Variants in SIMC1 observed in about 807,000 individuals in gnomAD.
SIMC1 encodes SUMO-interacting motif-containing protein 1.
Under a neutral mutation model 82.3 loss-of-function variants are expected in SIMC1, and 55 were observed. That is an observed-to-expected ratio of 0.67 (90% CI 0.54 to 0.84). The LOEUF is 0.84. Ranked by LOEUF, SIMC1 falls within the 40% of genes least tolerant of loss-of-function variation. The pLI is 0.00. For synonymous variants in SIMC1, 353 were observed against 426.3 expected, an observed-to-expected ratio of 0.83 and a Z score of 2.12; for missense variants, 915 against 1,107.2, an observed-to-expected ratio of 0.83 and a Z score of 2.46.
intron 3 of SIMC1, among the ~76,000 whole-genome samples, chr5:176,295,944 A>T (rs1293586283): frequency 6.6e-6 from 1 of 152,202 alleles, no homozygotes; most frequent in Non-Finnish European, 1.5e-5. Context: ...ACGATTGGCT[A>T]AAAAAGCCAC....
intron 1 of SIMC1, among the ~76,000 whole-genome samples, chr5:176,252,945 C>T (rs919695026): frequency 7.0e-4 from 107 of 152,356 alleles, no homozygotes; most frequent in Non-Finnish European, 1.2e-4. Context: ...GGAGACCAGC[C>T]TGGCCCACGC....
At chr5:176,279,128 T>G (rs1386308066) in intron 1 of SIMC1, among the ~76,000 whole-genome samples, 10 of 152,216 alleles carry the variant, frequency 6.6e-5, no homozygotes, top group Non-Finnish European at 1.3e-4. Flanking sequence ...CAATTTCAGA[T>G]CCTGTTATTG....
At chr5:176,326,549 T>C (rs1005325225) in intron 7 of SIMC1, among the ~76,000 whole-genome samples, 2 of 151,336 alleles carry the variant, frequency 1.3e-5, no homozygotes, top group African/African-American at 4.9e-5. Flanking sequence ...ATTTTTCTTA[T>C]AATGTTATCC....
At chr5:176,285,737 C>T (rs1359279903) in intron 1 of SIMC1, among the ~76,000 whole-genome samples, 2 of 151,986 alleles carry the variant, frequency 1.3e-5, no homozygotes, top group South Asian at 2.1e-4. Flanking sequence ...ATTTAGAAAA[C>T]CCCATCGTCT....
At chr5:176,302,926 C>T (rs1049211521) in intron 4 of SIMC1, among the ~76,000 whole-genome samples, 5 of 152,114 alleles carry the variant, frequency 3.3e-5, no homozygotes, top group Admixed American at 6.5e-5. Flanking sequence ...GTAAGGCTTC[C>T]TATATTCATG....
intron 5 of SIMC1, among the ~76,000 whole-genome samples, chr5:176,315,460 A>G (rs961977309): frequency 1.3e-5 from 2 of 152,206 alleles, no homozygotes; most frequent in Admixed American, 6.5e-5. Flanking sequence ...GGAGAGGTCA[A>G]ATATCAAAGC....
chr5:176,301,415 T>C (rs561457257), intron 4 of SIMC1, among the ~76,000 whole-genome samples: 1 of 152,312 alleles, frequency 6.6e-6, no homozygotes, highest in Non-Finnish European at 1.5e-5. Flanking sequence ...CTTTCCATTA[T>C]AAATTACCCA....
chr5:176,319,724 A>G (rs1765076662), intron 5 of SIMC1, among the ~76,000 whole-genome samples: 1 of 152,128 alleles, frequency 6.6e-6, no homozygotes, highest in African/African-American at 2.4e-5. Flanking sequence ...GTCATCTCGT[A>G]TCTTTGATTT....
chr5:176,324,593 C>G, intron 6 of SIMC1, 36 bp from the exon 7 acceptor site: 1 of 1,602,980 alleles, frequency 6.2e-7, no homozygotes, highest in Non-Finnish European at 8.5e-7. Flanking sequence ...CTTGCCAGAC[C>G]CTCACACTCA....
At chr5:176,305,129 A>G (rs62405165) in intron 4 of SIMC1, among the ~76,000 whole-genome samples, 1 of 68,950 alleles carries the variant, frequency 1.5e-5, no homozygotes, top group African/African-American at 5.3e-5. Context: ...CAGCCGTGCC[A>G]TCCAGGAGGG....
At chr5:176,334,264 CT>C (rs1765792630) in intron 7 of SIMC1, among the ~76,000 whole-genome samples, 1 of 152,148 alleles carries the variant, frequency 6.6e-6, no homozygotes, top group South Asian at 2.1e-4. Context: ...ATTTTGCTCT[CT>C]TTCTTTAAAG....
chr5:176,311,125 ATGT>A (rs1177297541), intron 4 of SIMC1, among the ~76,000 whole-genome samples: 3 of 152,198 alleles, frequency 2.0e-5, no homozygotes, highest in Non-Finnish European at 4.4e-5. Context: ...GGTAATGGAA[ATGT>A]TCTAAAAAGT....
At chr5:176,249,855 A>AT (rs1475688861) in intron 1 of SIMC1, among the ~76,000 whole-genome samples, 9 of 151,210 alleles carry the variant, frequency 6.0e-5, no homozygotes, top group African/African-American at 1.9e-4. Context: ...AAAAAAAAAA[A>AT]AAAAAAAAAC....
Position 176,281,534 on chromosome 5 carries a change from C to G in SIMC1, c.130-8120C>G, listed in dbSNP as rs529948869. Among the ~76,000 whole-genome samples the G allele has an allele frequency of 2.6e-5, 4 of 152,064 alleles. No individual in the cohort carries two copies. In the South Asian group the frequency reaches 8.3e-4, roughly 32 times the overall value. On this transcript the variant is annotated intron_variant, in intron 1 of 9. Coordinates refer to ENST00000429602, the MANE Select transcript of SIMC1 (RefSeq NM_001308195.2). The stretch of plus-strand genomic sequence containing the variant: ...TTTTAGAGTTTCCAGTTTTTCTGCT[C>G]TGCTTTTTCCCCATCTTTGTGATTT...
intron 1 of SIMC1, among the ~76,000 whole-genome samples, chr5:176,262,546 T>G (rs1581226722): frequency 6.6e-6 from 1 of 152,242 alleles, no homozygotes; most frequent in East Asian, 1.9e-4. Context: ...AGATCACGCC[T>G]GTAATCTGAG....
chr5:176,315,598 ACT>A (rs1365623584), intron 5 of SIMC1, among the ~76,000 whole-genome samples: 1 of 151,436 alleles, frequency 6.6e-6, no homozygotes, highest in African/African-American at 2.4e-5. Context: ...CAGCATTGAA[ACT>A]CTTCCACATT....
chr5:176,279,104 A>G (rs1447456577), intron 1 of SIMC1, among the ~76,000 whole-genome samples: 4 of 151,960 alleles, frequency 2.6e-5, no homozygotes, highest in African/African-American at 4.8e-5. Flanking sequence ...TTAGTAAGCT[A>G]TTGATTGTTG....
chr5:176,248,848 C>G (rs1001943434), intron 1 of SIMC1, among the ~76,000 whole-genome samples: 11 of 152,142 alleles, frequency 7.2e-5, no homozygotes, highest in African/African-American at 2.7e-4. Flanking sequence ...GCCTTTTCTG[C>G]ATCTATTGAG....
Position 176,318,603 on chromosome 5 carries a change from T to G in SIMC1, c.1890-3670T>G, listed in dbSNP as rs553009471. On this transcript the variant is annotated intron_variant, in intron 5 of 9. Coordinates refer to ENST00000429602, the MANE Select transcript of SIMC1 (RefSeq NM_001308195.2). ...TCTTTTCTCTTTCATGGCTCATACC[T>G]TCATTTAAGGAATCCATTCCTAGTA... is the stretch of plus-strand genomic sequence containing the variant. Among the ~76,000 whole-genome samples the G allele has an allele frequency of 3.3e-5, 5 of 152,304 alleles. No individual in the cohort carries two copies. In the South Asian group the frequency reaches 8.3e-4, roughly 25 times the overall value.
Sources: gnomAD v4.1 joint callset for allele counts (sites outside exome capture counted in the v4.1 genomes callset) on GRCh38, gnomAD v4.1.1 for gene constraint, MANE v1.5 for transcripts, NCBI Gene and HGNC (gene_info 2026-07-23, HGNC 2026-07-21) for gene names.